The following BCAR3 variants were observed in gnomAD, a reference collection of about 807,000 sequenced individuals.
BCAR3 encodes the protein breast cancer anti-estrogen resistance protein 3.
A neutral mutation model predicts 80.1 loss-of-function variants in BCAR3; 37 were observed. The ratio of observed to expected loss-of-function variants is 0.46; its 90% confidence interval spans 0.36 to 0.61. BCAR3 has a LOEUF of 0.61. BCAR3 is among the 20% of genes least tolerant of loss of function. The pLI is 0.00. For missense variants in BCAR3, 978 were observed against 1,068.2 expected (o/e 0.92, Z 1.18); for synonymous variants, 389 against 418.9 (o/e 0.93, Z 0.87).
intron 2 of BCAR3, among the ~76,000 whole-genome samples, chr1:93,709,504 T>C (rs1649942838): frequency 6.6e-6 from 1 of 152,170 alleles, no homozygotes. Context: ...TCTGTACAGG[T>C]GTTGGCCAGG....
intron 2 of BCAR3, among the ~76,000 whole-genome samples, chr1:93,812,544 T>C (rs1653884674): frequency 6.6e-6 from 1 of 152,194 alleles, no homozygotes; most frequent in African/African-American, 2.4e-5. Context: ...ACTGGACTGT[T>C]TTCTAGGTCT....
chr1:93,821,780 G>A (rs970224069), intron 2 of BCAR3, among the ~76,000 whole-genome samples: 1 of 152,102 alleles, frequency 6.6e-6, no homozygotes, highest in African/African-American at 2.4e-5. Context: ...AAAATTTAAT[G>A]AAGTAGGTAC....
intron 5 of BCAR3, 84 bp downstream of exon 5, chr1:93,588,893 T>C: frequency 7.3e-7 from 1 of 1,372,698 alleles, no homozygotes; most frequent in Non-Finnish European, 9.8e-7. Flanking sequence ...TATTTCTTTG[T>C]TCCATGATGA....
At chr1:93,761,522 C>A (rs1651945796) in intron 2 of BCAR3, among the ~76,000 whole-genome samples, 1 of 152,182 alleles carries the variant, frequency 6.6e-6, no homozygotes, top group South Asian at 2.1e-4. Context: ...TGGTTGAAGT[C>A]TTTTCTTTGT....
At chr1:93,759,893 C>T (rs1464557044) in intron 2 of BCAR3, among the ~76,000 whole-genome samples, 2 of 152,114 alleles carry the variant, frequency 1.3e-5, no homozygotes, top group South Asian at 2.1e-4. Context: ...CCTTGCCCCT[C>T]GCTGGTCTCA....
chr1:93,728,765 T>C (rs1650682651), intron 2 of BCAR3, among the ~76,000 whole-genome samples: 1 of 152,164 alleles, frequency 6.6e-6, no homozygotes, highest in Admixed American at 6.5e-5. Context: ...ACTTGTGTCT[T>C]CCTCCACCGA....
At chr1:93,746,596 C>T (rs1205773713) in intron 2 of BCAR3, among the ~76,000 whole-genome samples, 2 of 152,184 alleles carry the variant, frequency 1.3e-5, no homozygotes. Context: ...ACAAGGTTTG[C>T]CCAGCACGTA....
At chr1:93,812,166 C>T (rs918975292) in intron 2 of BCAR3, among the ~76,000 whole-genome samples, 7 of 152,148 alleles carry the variant, frequency 4.6e-5, no homozygotes, top group Non-Finnish European at 8.8e-5. Flanking sequence ...TAACTCAAGG[C>T]CAAAAGTCTA....
rs79807266 is a variant in BCAR3 at position 93,655,068 on chromosome 1, C to A, written c.318-12725G>T. ...TTTGCTGGATTCTTGAGTAAGAGAA[C>A]AATAAACCTAAGCGCAGCGTTCGGG... On this transcript the variant is annotated intron_variant, in intron 2 of 11. Coordinates refer to ENST00000260502, the MANE Select transcript of BCAR3 (RefSeq NM_003567.4). 7.4e-3 allele frequency among the ~76,000 whole-genome samples: 1,128 copies of A among 152,254 alleles called. 18 individuals are homozygous for A. The highest frequency in any genetic ancestry group is 0.026 in the African/African-American group (1,082 of 41,534).
intron 2 of BCAR3, among the ~76,000 whole-genome samples, chr1:93,778,078 C>T (rs1571120727): frequency 6.6e-6 from 1 of 152,322 alleles, no homozygotes; most frequent in African/African-American, 2.4e-5. Flanking sequence ...GGATCTCTGA[C>T]ACTTCCCTCA....
chr1:93,687,410 C>T (rs1649012792), intron 3 of BCAR3, among the ~76,000 whole-genome samples: 2 of 152,160 alleles, frequency 1.3e-5, no homozygotes, highest in South Asian at 2.1e-4. Context: ...TGGGTTCAAA[C>T]GATTCTCCCG....
rs1217381018 is a variant in BCAR3, at chr1:93,719,334, G to GTTTTTTTT, written c.-62-13200_-62-13193dup. On this transcript the variant is annotated intron_variant, in intron 2 of 13. Transcript: ENST00000370244. Reference sequence around the variant, plus strand: ...TTAGTCTCTATATTTAAACTTTCTTGTTTTTTTTTTTTTTTTTTTTTTTTT... The same window carrying GTTTTTTTT: ...TTAGTCTCTATATTTAAACTTTCTTGTTTTTTTTTTTTTTTTTTTTTTTTTTTTTTTTT... Among the ~76,000 whole-genome samples, 73 of 73,208 alleles carry GTTTTTTTT rather than the reference G, an allele frequency of 1.0e-3. 5 individuals carry two copies. The highest frequency in any genetic ancestry group is 1.1e-3 in the Admixed American group (5 of 4,508). The allele number at this position is 73,208 out of a possible 152,430, so 48.0% of individuals were successfully genotyped here.
chr1:93,705,637 C>T (rs1188154840), intron 3 of BCAR3, among the ~76,000 whole-genome samples: 1 of 152,226 alleles, frequency 6.6e-6, no homozygotes, highest in Non-Finnish European at 1.5e-5. Context: ...CTCTGTGGTG[C>T]TCCCAGCACC....
intron 2 of BCAR3, among the ~76,000 whole-genome samples, chr1:93,760,818 G>T (rs1377836751): frequency 6.6e-6 from 1 of 152,058 alleles, no homozygotes; most frequent in African/African-American, 2.4e-5. Flanking sequence ...GATTGGCCAG[G>T]CCTTGGTCAG....
rs1367133941 is a variant in BCAR3 at position 93,592,367 on chromosome 1, G to C, written c.384C>G (p.Asp128Glu). ...VKFSKERHIMDRTPEKLKKEL... is the reference protein window; with the variant it reads ...VKFSKERHIMERTPEKLKKEL... ...CCTTCTTCAGTTTCTCGGGGGTCCT[G>C]TCCATGATGTGCCTCTCCTTGGAGA... Residue 128 changes from aspartate (D) to glutamate (E), a missense_variant, in exon 4 of 12, where the codon GAC becomes GAG. Physicochemically the swap from Asp to Glu is conservative, Grantham distance 45 (BLOSUM62 2). Coordinates refer to ENST00000260502, the MANE Select transcript of BCAR3 (RefSeq NM_003567.4). This position sits in a 1 kb window ranked among gnomAD's most constrained non-coding sequence, Gnocchi z 4.8. 6.2e-7 allele frequency: 1 copy of C among 1,602,520 alleles called. No homozygotes were observed. The highest frequency in any genetic ancestry group is 8.5e-7 in the Non-Finnish European group (1 of 1,178,634).
At chr1:93,749,859 G>A (rs1051264853) in intron 2 of BCAR3, among the ~76,000 whole-genome samples, 2 of 150,208 alleles carry the variant, frequency 1.3e-5, no homozygotes, top group African/African-American at 4.9e-5. Context: ...TTTGCTCAGT[G>A]AGTAATTTGC....
chr1:93,736,348 C>A lies in BCAR3; in HGVS notation c.-62-30206G>T, dbSNP rs571157832. On this transcript the variant is annotated intron_variant, in intron 2 of 13. Coordinates refer to the BCAR3 transcript ENST00000370244. ...GATTACAAGCGCGTGCCACTGCACC[C>A]AGCTAATTTTTTGTATTTTTAGTAG... is the stretch of plus-strand genomic sequence containing the variant. Among the ~76,000 whole-genome samples, 17 of 152,246 alleles carry A rather than the reference C, an allele frequency of 1.1e-4. 2 individuals carry two copies. Among genetic ancestry groups the A allele is most frequent in the African/African-American group, 3.9e-4 (16 of 41,554 alleles).
At chr1:93,638,349 C>T (rs1368938245) in intron 3 of BCAR3, among the ~76,000 whole-genome samples, 5 of 152,174 alleles carry the variant, frequency 3.3e-5, no homozygotes, top group Non-Finnish European at 7.3e-5. Context: ...AAGGGGAACA[C>T]ATGGAGCTGT....
intron 2 of BCAR3, among the ~76,000 whole-genome samples, chr1:93,801,846 G>A (rs1399852308): frequency 3.3e-5 from 5 of 152,184 alleles, no homozygotes; most frequent in African/African-American, 1.2e-4. Flanking sequence ...TTGGCCAGGC[G>A]CAGTGGCTCA....
Sources: allele counts gnomAD v4.1 joint callset (sites outside exome capture counted in the v4.1 genomes callset), GRCh38; gene constraint gnomAD v4.1.1; non-coding constraint Gnocchi (gnomAD v3.1); transcripts MANE v1.5; gene names NCBI Gene and HGNC (gene_info 2026-07-23, HGNC 2026-07-21).